The following CSMD3 variants were observed in gnomAD, a reference collection of about 807,000 sequenced individuals.
CSMD3 encodes CUB and Sushi multiple domains 3.
CSMD3 carries 177 observed loss-of-function variants against 435.2 expected under a neutral mutation model. The observed-to-expected ratio is 0.41, with a 90% CI of 0.36 to 0.46. The LOEUF (loss-of-function observed/expected upper bound fraction) is 0.46. CSMD3 is among the 20% of genes least tolerant of loss of function. The probability of loss-of-function intolerance (pLI) is 0.34; values close to 1 mark genes in which losing one functional copy is unlikely to be tolerated. For synonymous variants in CSMD3, 1,656 were observed against 1,520.5 expected (o/e 1.09, Z -2.07); for missense variants, 4,265 against 4,504.6 (o/e 0.95, Z 1.52).
At chr8:113,309,531 AACACTT>A (rs2093850930) in intron 2 of CSMD3, 1 of 152,174 alleles carries the variant, frequency 6.6e-6, no homozygotes, top group African/African-American at 2.4e-5. Flanking sequence ...GTGTTATGTT[AACACTT>A]ACACTTACAT....
chr8:113,179,284 T>A (rs2092390757), intron 3 of CSMD3, among the ~76,000 whole-genome samples: 2 of 151,844 alleles, frequency 1.3e-5, no homozygotes, highest in African/African-American at 2.4e-5. Context: ...CTCAATAAAT[T>A]GCAGTTTTAT....
At chr8:113,293,033 T>C (rs578145353) in intron 2 of CSMD3, among the ~76,000 whole-genome samples, 1 of 151,956 alleles carries the variant, frequency 6.6e-6, no homozygotes, top group East Asian at 1.9e-4. Flanking sequence ...CTTTGTGATG[T>C]TCCAATGTTA....
intron 58 of CSMD3, among the ~76,000 whole-genome samples, chr8:112,285,003 GT>G (rs74275503): frequency 5.3e-5 from 8 of 151,166 alleles, no homozygotes; most frequent in African/African-American, 1.5e-4. Flanking sequence ...ATAGGTTACA[GT>G]TTTTTTTTAT....
intron 3 of CSMD3, among the ~76,000 whole-genome samples, chr8:113,244,475 C>T (rs1008945793): frequency 6.6e-6 from 1 of 152,074 alleles, no homozygotes; most frequent in African/African-American, 2.4e-5. Flanking sequence ...GTCACCACGC[C>T]TGACTAATTT....
intron 6 of CSMD3, among the ~76,000 whole-genome samples, chr8:112,992,778 T>C (rs1478090173): frequency 6.6e-6 from 1 of 151,708 alleles, no homozygotes; most frequent in South Asian, 2.1e-4. Flanking sequence ...CAATGGGTAG[T>C]GTTTGTGTGC....
intron 32 of CSMD3, among the ~76,000 whole-genome samples, chr8:112,449,879 C>T (rs909090074): frequency 1.1e-4 from 16 of 152,180 alleles, no homozygotes; most frequent in African/African-American, 3.9e-4. Context: ...CCCGCCACCA[C>T]GCCTGGCTAA....
intron 32 of CSMD3, among the ~76,000 whole-genome samples, chr8:112,429,198 C>A (rs1186262303): frequency 6.6e-6 from 1 of 151,960 alleles, no homozygotes; most frequent in East Asian, 1.9e-4. Flanking sequence ...ACCTTCCCAC[C>A]CCACTAAATA....
At chr8:112,578,454 G>A (rs934894403) in intron 23 of CSMD3, among the ~76,000 whole-genome samples, 1 of 151,772 alleles carries the variant, frequency 6.6e-6, no homozygotes, top group Admixed American at 6.6e-5. Flanking sequence ...GCCTAACATA[G>A]CAGTCTCTAC....
chr8:113,243,532 C>T (rs76346152), intron 3 of CSMD3, among the ~76,000 whole-genome samples: 3 of 152,012 alleles, frequency 2.0e-5, no homozygotes, highest in Non-Finnish European at 4.4e-5. Flanking sequence ...CATCTTGTTT[C>T]CACATTTTGA....
At chr8:112,779,105 T>A (rs991373954) in intron 13 of CSMD3, among the ~76,000 whole-genome samples, 5 of 151,842 alleles carry the variant, frequency 3.3e-5, no homozygotes, top group African/African-American at 7.2e-5. Flanking sequence ...TTTGCAAAGA[T>A]TTTCTATTAG....
chr8:113,122,539 T>C (rs1474497859), intron 4 of CSMD3, among the ~76,000 whole-genome samples: 1 of 152,128 alleles, frequency 6.6e-6, no homozygotes, highest in Non-Finnish European at 1.5e-5. Flanking sequence ...CAGGAATATT[T>C]CAGCAGGCCC....
At chr8:113,250,507 T>A (rs2093324916) in intron 3 of CSMD3, among the ~76,000 whole-genome samples, 1 of 152,164 alleles carries the variant, frequency 6.6e-6, no homozygotes, top group South Asian at 2.1e-4. Flanking sequence ...AATATATTGA[T>A]GCTTCAATAT....
At chr8:112,776,633 T>C (rs929752365) in intron 13 of CSMD3, among the ~76,000 whole-genome samples, 3 of 151,876 alleles carry the variant, frequency 2.0e-5, no homozygotes, top group Non-Finnish European at 3.0e-5. Flanking sequence ...TAAGACATAT[T>C]GTGAGCAGCA....
intron 16 of CSMD3, among the ~76,000 whole-genome samples, chr8:112,670,593 G>A (rs2075633551): frequency 6.6e-6 from 1 of 152,130 alleles, no homozygotes; most frequent in Non-Finnish European, 1.5e-5. Context: ...ATTTAGGAAG[G>A]AGAATCAAAA....
chr8:112,350,274 C>CTT (rs201171217), intron 40 of CSMD3, among the ~76,000 whole-genome samples: 6 of 121,244 alleles, frequency 4.9e-5, no homozygotes, highest in South Asian at 2.7e-4. Context: ...AAGTCATGGA[C>CTT]TTTTTTTTTT....
At chr8:112,537,693 G>A (rs1357566705) in intron 27 of CSMD3, among the ~76,000 whole-genome samples, 1 of 151,388 alleles carries the variant, frequency 6.6e-6, no homozygotes, top group African/African-American at 2.4e-5. Context: ...TAGAAAACTT[G>A]AGCAGACCAA....
intron 27 of CSMD3, among the ~76,000 whole-genome samples, chr8:112,524,154 GTATCA>G (rs775446102): frequency 9.9e-5 from 15 of 151,836 alleles, no homozygotes; most frequent in Non-Finnish European, 1.8e-4. Flanking sequence ...TGTTGGCATT[GTATCA>G]TATCATATCA....
rs995871749 is a variant in CSMD3, at chr8:112,318,873, G to C, written c.7324C>G (p.Arg2442Gly). The change falls in exon 47 of 71, where the codon CGA becomes GGA. Residue 2442 changes from arginine (R) to glycine (G), a missense_variant. This residue lies in a region of CSMD3 where 3,255 missense variants were observed against 3,380.2 expected (regional missense o/e 0.96). Coordinates refer to ENST00000297405, the MANE Select transcript of CSMD3 (RefSeq NM_198123.2). ...GGAGGTGCTCCATCCATCTGCAGTC[G>C]TTCTCCTAATCTGCACGTCAGAATT... ...NAILTCRLGE[R>G]LQMDGAPPVC... 1 of 1,612,264 alleles carries C rather than the reference G, an allele frequency of 6.2e-7. No homozygotes were observed. The highest frequency in any genetic ancestry group is 1.1e-5 in the South Asian group (1 of 91,052).
intron 18 of CSMD3, among the ~76,000 whole-genome samples, chr8:112,653,408 T>G (rs774426962): frequency 8.5e-5 from 13 of 152,152 alleles, no homozygotes; most frequent in Admixed American, 3.9e-4. Context: ...TATACGTTCA[T>G]ATGAAAAATA....
Sources: gnomAD v4.1 joint callset for allele counts (sites outside exome capture counted in the v4.1 genomes callset) on GRCh38, gnomAD v4.1.1 for gene constraint, gnomAD v4.1.1 regional missense constraint, MANE v1.5 for transcripts, NCBI Gene and HGNC (gene_info 2026-07-23, HGNC 2026-07-21) for gene names.